SNRPN: variants seen among roughly 807,000 people sequenced by gnomAD.
The protein encoded by SNRPN is small nuclear ribonucleoprotein-associated protein N.
Under a neutral mutation model 25.2 loss-of-function variants are expected in SNRPN, and 7 were observed. The ratio of observed to expected loss-of-function variants is 0.28; its 90% confidence interval spans 0.16 to 0.52. The LOEUF (loss-of-function observed/expected upper bound fraction) is 0.52. Ranked by LOEUF, SNRPN falls within the 20% of genes least tolerant of loss-of-function variation. The pLI is 0.96. For missense variants in SNRPN, 196 were observed against 322.5 expected, an observed-to-expected ratio of 0.61 and a Z score of 3.00; for synonymous variants, 124 against 110.6, an observed-to-expected ratio of 1.12 and a Z score of -0.76.
intron 2 of SNRPN, chr15:24,850,653 A>G (rs1481469515): frequency 6.6e-6 from 1 of 152,250 alleles, no homozygotes; most frequent in Non-Finnish European, 1.5e-5. Context: ...CTATGAAACA[A>G]GAACATCTTC....
intron 3 of SNRPN, among the ~76,000 whole-genome samples, chr15:24,941,252 T>C (rs1199385): frequency 0.86 from 131,147 of 152,242 alleles, 56,909 homozygotes; most frequent in East Asian, 0.99. Flanking sequence ...GCTGGGATTA[T>C]AGGCGTGAGC....
intron 3 of SNRPN, among the ~76,000 whole-genome samples, chr15:24,932,214 A>G (rs1435681549): frequency 1.3e-5 from 2 of 152,160 alleles, no homozygotes; most frequent in African/African-American, 4.8e-5. Flanking sequence ...AAATATTTAT[A>G]GGCCAGGGTT....
intron 3 of SNRPN, among the ~76,000 whole-genome samples, 184 bp from the exon 4 acceptor site, chr15:24,974,127 T>C (rs1437741898): frequency 6.6e-6 from 1 of 152,170 alleles, no homozygotes; most frequent in East Asian, 1.9e-4. Flanking sequence ...CAGTCCTAAG[T>C]GTGTCAAATG....
chr15:24,859,266 A>G (rs2053755771), intron 1 of SNRPN, among the ~76,000 whole-genome samples: 1 of 152,168 alleles, frequency 6.6e-6, no homozygotes, highest in Non-Finnish European at 1.5e-5. Context: ...TTGAGTGTTC[A>G]ATCTCCCTTA....
At chr15:24,856,034 G>T (rs1385108143), upstream of SNRPN, among the ~76,000 whole-genome samples, 1 of 151,962 alleles carries the variant, frequency 6.6e-6, no homozygotes, top group East Asian at 1.9e-4. Flanking sequence ...ATATATGCTT[G>T]TGTCTGATTT....
chr15:24,876,180 T>C (rs2055850426), intron 1 of SNRPN, among the ~76,000 whole-genome samples: 1 of 152,212 alleles, frequency 6.6e-6, no homozygotes, highest in Non-Finnish European at 1.5e-5. Context: ...TTAATTTGTC[T>C]TGCAGACTAA....
intron 3 of SNRPN, among the ~76,000 whole-genome samples, chr15:24,941,835 G>A (rs1031825891): frequency 2.6e-5 from 4 of 152,036 alleles, no homozygotes; most frequent in Non-Finnish European, 5.9e-5. Flanking sequence ...CTGCAGTGCA[G>A]TGGCGCAATC....
intron 2 of SNRPN, among the ~76,000 whole-genome samples, chr15:24,833,991 T>C (rs2141893949): frequency 6.6e-6 from 1 of 152,228 alleles, no homozygotes; most frequent in Admixed American, 6.5e-5. Flanking sequence ...AGTGGCATGA[T>C]ATTGGCTCAC....
At chr15:24,923,526 A>G (rs970441113) in intron 3 of SNRPN, among the ~76,000 whole-genome samples, 1 of 152,208 alleles carries the variant, frequency 6.6e-6, no homozygotes, top group Non-Finnish European at 1.5e-5. Context: ...ACATGTATTT[A>G]AATGTTTATA....
intron 1 of SNRPN, among the ~76,000 whole-genome samples, chr15:24,858,451 C>G (rs1190126271): frequency 1.4e-5 from 2 of 147,464 alleles, no homozygotes; most frequent in Non-Finnish European, 3.1e-5. Flanking sequence ...TGGAATTCCT[C>G]AACCTGAATT....
intron 1 of SNRPN, among the ~76,000 whole-genome samples, chr15:24,873,632 A>G (rs1379549213): frequency 1.3e-5 from 2 of 152,126 alleles, no homozygotes; most frequent in East Asian, 1.9e-4. Context: ...TATTTTTAGT[A>G]GAGACGGGGT....
intron 1 of SNRPN, among the ~76,000 whole-genome samples, chr15:24,877,189 T>TA (rs1387465864): frequency 1.3e-5 from 2 of 152,192 alleles, no homozygotes; most frequent in Non-Finnish European, 2.9e-5. Flanking sequence ...TATTTTCAGA[T>TA]AAAATCTACT....
At chr15:24,913,769 G>A (rs920971416) in intron 2 of SNRPN, among the ~76,000 whole-genome samples, 1 of 152,098 alleles carries the variant, frequency 6.6e-6, no homozygotes, top group Admixed American at 6.6e-5. Flanking sequence ...CAAGAGAAAA[G>A]CAAACAAGTT....
chr15:24,958,291 G>A (rs761017546), intron 1 of SNRPN, among the ~76,000 whole-genome samples: 2 of 151,720 alleles, frequency 1.3e-5, no homozygotes, highest in African/African-American at 2.4e-5. Context: ...TATTTTTTAG[G>A]AAGAATCATT....
chr15:24,962,905 G>GT (rs901734385), intron 2 of SNRPN, among the ~76,000 whole-genome samples: 10 of 151,404 alleles, frequency 6.6e-5, no homozygotes, highest in Admixed American at 1.3e-4. Context: ...AGCTACAATT[G>GT]TTTTTTTTAA....
intron 3 of SNRPN, chr15:24,920,382 A>C (rs1205571243): frequency 1.3e-5 from 2 of 152,150 alleles, no homozygotes; most frequent in East Asian, 1.9e-4. Flanking sequence ...TGGCAAGAGC[A>C]GTCATTTCCC....
At chr15:24,875,543 C>A (rs1595614481) in intron 1 of SNRPN, among the ~76,000 whole-genome samples, 2 of 152,068 alleles carry the variant, frequency 1.3e-5, no homozygotes, top group South Asian at 4.2e-4. Context: ...TTCCCTCCCC[C>A]ACCGCAACAG....
intron 1 of SNRPN, among the ~76,000 whole-genome samples, chr15:24,866,971 A>G (rs1350008753): frequency 6.6e-6 from 1 of 152,150 alleles, no homozygotes; most frequent in Non-Finnish European, 1.5e-5. Context: ...TATTGTGAAC[A>G]ATGTTAAACA....
upstream of SNRPN, among the ~76,000 whole-genome samples, chr15:24,950,031 A>C (rs2062142096): frequency 6.6e-6 from 1 of 151,980 alleles, no homozygotes; most frequent in Non-Finnish European, 1.5e-5. Context: ...TCTTGCTATC[A>C]GGGAGATCTT....
Sources: allele counts gnomAD v4.1 joint callset (sites outside exome capture counted in the v4.1 genomes callset), GRCh38; gene constraint gnomAD v4.1.1; transcripts MANE v1.5; gene names NCBI Gene and HGNC (gene_info 2026-07-23, HGNC 2026-07-21).